Variants in ULK4 observed in about 807,000 individuals in gnomAD.
ULK4 encodes the protein unc-51 like kinase 4.
Under a neutral mutation model 160.6 loss-of-function variants are expected in ULK4, and 133 were observed. The observed-to-expected ratio is 0.83, with a 90% confidence interval of 0.72 to 0.96. The LOEUF is 0.96. Ranked by LOEUF, ULK4 falls within the 40% of genes least tolerant of loss-of-function variation. The pLI, the probability that ULK4 is intolerant of heterozygous loss-of-function variation, is 0.00. For synonymous variants in ULK4, 534 were observed against 539.8 expected, an observed-to-expected ratio of 0.99 and a Z score of 0.15; for missense variants, 1,580 against 1,499.5, an observed-to-expected ratio of 1.05 and a Z score of -0.89.
chr3:41,560,017 T>C (rs2087504699), intron 32 of ULK4, among the ~76,000 whole-genome samples: 2 of 152,254 alleles, frequency 1.3e-5, no homozygotes, highest in Non-Finnish European at 1.5e-5. Flanking sequence ...CATTTAAGTC[T>C]TTAATCCATC....
At chr3:41,557,784 A>G (rs1009027773) in intron 32 of ULK4, among the ~76,000 whole-genome samples, 1 of 152,018 alleles carries the variant, frequency 6.6e-6, no homozygotes, top group Non-Finnish European at 1.5e-5. Context: ...GTAAAATAAA[A>G]TAAAATAATT....
At chr3:41,404,185 C>T (rs1447147697) in intron 34 of ULK4, among the ~76,000 whole-genome samples, 1 of 147,798 alleles carries the variant, frequency 6.8e-6, no homozygotes, top group African/African-American at 2.5e-5. Context: ...AAAGCCCCAA[C>T]TATCATTGTT....
At chr3:41,345,971 G>A (rs1035704954) in intron 35 of ULK4, among the ~76,000 whole-genome samples, 2 of 151,954 alleles carry the variant, frequency 1.3e-5, no homozygotes, top group Non-Finnish European at 2.9e-5. Context: ...ACTGTTCTAG[G>A]TAGAGGGAAG....
intron 32 of ULK4, among the ~76,000 whole-genome samples, chr3:41,507,635 AAAAACTG>A (rs2085440219): frequency 2.2e-5 from 3 of 136,164 alleles, no homozygotes; most frequent in African/African-American, 7.8e-5. Context: ...AAAAAAAAAA[AAAAACTG>A]AAATTTTATT....
intron 18 of ULK4, among the ~76,000 whole-genome samples, chr3:41,824,902 G>C (rs1177028637): frequency 6.6e-6 from 1 of 152,194 alleles, no homozygotes; most frequent in Non-Finnish European, 1.5e-5. Context: ...TAGACTAACT[G>C]GGAGGCACCC....
chr3:41,886,593 A>G (rs1159542132), intron 16 of ULK4, among the ~76,000 whole-genome samples: 4 of 149,438 alleles, frequency 2.7e-5, no homozygotes, highest in Non-Finnish European at 5.9e-5. Flanking sequence ...TTTTTTTGAG[A>G]TGGAGTCTTG....
intron 20 of ULK4, among the ~76,000 whole-genome samples, chr3:41,794,928 T>C (rs1273626743): frequency 1.3e-5 from 2 of 151,776 alleles, no homozygotes; most frequent in Admixed American, 6.6e-5. Flanking sequence ...TGTCTGAAGG[T>C]AAGTTTGGAG....
chr3:41,270,164 C>A (rs2079115406), intron 35 of ULK4, among the ~76,000 whole-genome samples: 1 of 152,142 alleles, frequency 6.6e-6, no homozygotes, highest in African/African-American at 2.4e-5. Flanking sequence ...TAAAAACTAC[C>A]TGCTCAAACA....
chr3:41,490,706 C>T (rs2084723912), intron 32 of ULK4, among the ~76,000 whole-genome samples: 1 of 152,140 alleles, frequency 6.6e-6, no homozygotes, highest in African/African-American at 2.4e-5. Flanking sequence ...CAAGATGCTT[C>T]TTGAGAGTTT....
At chr3:41,773,586 G>A (rs1268305262) in intron 21 of ULK4, among the ~76,000 whole-genome samples, 3 of 152,106 alleles carry the variant, frequency 2.0e-5, no homozygotes, top group Admixed American at 2.0e-4. Context: ...ACAAACAAAT[G>A]GAAGAACATT....
chr3:41,601,875 T>A (rs139505786), intron 31 of ULK4, among the ~76,000 whole-genome samples: 1 of 152,036 alleles, frequency 6.6e-6, no homozygotes, highest in African/African-American at 2.4e-5. Flanking sequence ...GGTCTTGGAA[T>A]ACAAAACAAA....
chr3:41,571,965 G>A (rs1461353053), intron 31 of ULK4, among the ~76,000 whole-genome samples: 1 of 152,192 alleles, frequency 6.6e-6, no homozygotes. Context: ...GGCCCGAGCT[G>A]GGGCAAGACA....
intron 31 of ULK4, among the ~76,000 whole-genome samples, chr3:41,596,447 G>C (rs1175758932): frequency 6.6e-6 from 1 of 152,126 alleles, no homozygotes; most frequent in Non-Finnish European, 1.5e-5. Context: ...AAGGGAATTC[G>C]GGTGTTTTCA....
At chr3:41,516,158 A>C (rs1338403003) in intron 32 of ULK4, among the ~76,000 whole-genome samples, 1 of 152,216 alleles carries the variant, frequency 6.6e-6, no homozygotes, top group Non-Finnish European at 1.5e-5. Flanking sequence ...ATAGGTCTTG[A>C]ATCTATTAGA....
intron 17 of ULK4, among the ~76,000 whole-genome samples, chr3:41,858,147 GTTTTT>G (rs71288052): frequency 0.055 from 5,090 of 92,012 alleles, 288 homozygotes; most frequent in African/African-American, 0.14. Flanking sequence ...TTTTTTGTTT[GTTTTT>G]TTTTTTTTTT....
At chr3:41,643,156 A>G (rs1343507708) in intron 30 of ULK4, among the ~76,000 whole-genome samples, 1 of 152,006 alleles carries the variant, frequency 6.6e-6, no homozygotes, top group Non-Finnish European at 1.5e-5. Flanking sequence ...GTTCACTCTG[A>G]CGGTAGTTTC....
intron 35 of ULK4, among the ~76,000 whole-genome samples, chr3:41,362,925 G>A (rs947080571): frequency 1.3e-5 from 2 of 152,252 alleles, no homozygotes; most frequent in African/African-American, 2.4e-5. Context: ...TGATCTGGCT[G>A]CACTGTTCCT....
intron 24 of ULK4, 33 bp from the exon 25 acceptor site, chr3:41,715,326 T>C (rs747268398): frequency 1.2e-6 from 2 of 1,612,660 alleles, no homozygotes; most frequent in Non-Finnish European, 8.5e-7. Flanking sequence ...GATTAAATTC[T>C]GGAAGCTATG....
chr3:41,793,038 T>C (rs1200032637), intron 20 of ULK4, among the ~76,000 whole-genome samples: 2 of 152,184 alleles, frequency 1.3e-5, no homozygotes, highest in Non-Finnish European at 2.9e-5. Context: ...CCGCACCTGC[T>C]GGCGGGTGCC....
Sources: gnomAD v4.1 joint callset for allele counts (sites outside exome capture counted in the v4.1 genomes callset) on GRCh38, gnomAD v4.1.1 for gene constraint, MANE v1.5 for transcripts, NCBI Gene and HGNC (gene_info 2026-07-23, HGNC 2026-07-21) for gene names.